Variants in GPM6A observed in about 807,000 individuals in gnomAD.
The protein encoded by GPM6A is neuronal membrane glycoprotein M6-a.
In GPM6A, 7 loss-of-function variants were observed where a neutral mutation model predicts 32.1. That is an observed-to-expected ratio of 0.22 (90% confidence interval 0.12 to 0.41). The LOEUF (loss-of-function observed/expected upper bound fraction) is 0.41. Ranked by LOEUF, GPM6A falls within the 10% of genes least tolerant of loss-of-function variation. The pLI, the probability that GPM6A is intolerant of heterozygous loss-of-function variation, is 1.00. For synonymous variants in GPM6A, 130 were observed against 123.4 expected, an observed-to-expected ratio of 1.05 and a Z score of -0.35; for missense variants, 235 against 347.2, an observed-to-expected ratio of 0.68 and a Z score of 2.57.
intron 1 of GPM6A, among the ~76,000 whole-genome samples, chr4:175,779,813 G>A (rs1339919474): frequency 6.6e-6 from 1 of 152,034 alleles, no homozygotes; most frequent in Non-Finnish European, 1.5e-5. Flanking sequence ...CCTGAGTAAG[G>A]AAATATGAGG....
intron 1 of GPM6A, among the ~76,000 whole-genome samples, chr4:175,925,831 CT>C (rs201551745): frequency 1.4e-5 from 2 of 147,344 alleles, no homozygotes; most frequent in African/African-American, 2.5e-5. Flanking sequence ...CCCAGATTCT[CT>C]TTTTTTTCTT....
chr4:175,915,476 T>G (rs1211880067), intron 1 of GPM6A, among the ~76,000 whole-genome samples: 1 of 151,862 alleles, frequency 6.6e-6, no homozygotes, highest in African/African-American at 2.4e-5. Flanking sequence ...TACATAGAGA[T>G]AGGGTTTTTA....
intron 1 of GPM6A, among the ~76,000 whole-genome samples, chr4:175,909,332 T>C (rs540891063): frequency 3.3e-5 from 5 of 152,174 alleles, no homozygotes; most frequent in African/African-American, 1.2e-4. Flanking sequence ...TTTGGATAAG[T>C]AGTCATACTT....
chr4:175,768,150 A>G (rs1317594116), intron 1 of GPM6A, among the ~76,000 whole-genome samples: 1 of 152,218 alleles, frequency 6.6e-6, no homozygotes, highest in Non-Finnish European at 1.5e-5. Context: ...ATTTTGAATT[A>G]CTACTTAATT....
chr4:175,928,778 T>C (rs1203134881), intron 1 of GPM6A, among the ~76,000 whole-genome samples: 2 of 152,220 alleles, frequency 1.3e-5, no homozygotes, highest in South Asian at 2.1e-4. Flanking sequence ...TCTTTATTCA[T>C]CACATTTTGC....
At chr4:175,660,461 G>T (rs1446316845) in intron 3 of GPM6A, among the ~76,000 whole-genome samples, 1 of 151,926 alleles carries the variant, frequency 6.6e-6, no homozygotes, top group African/African-American at 2.4e-5. Flanking sequence ...ATGAATTCAT[G>T]TGTTGAAAAT....
At chr4:175,668,515 G>C (rs1193463177) in intron 3 of GPM6A, among the ~76,000 whole-genome samples, 5 of 148,430 alleles carry the variant, frequency 3.4e-5, no homozygotes, top group Middle Eastern at 3.4e-3. Flanking sequence ...GGATTCAAAC[G>C]TTTATGTGTG....
intron 1 of GPM6A, among the ~76,000 whole-genome samples, chr4:175,818,599 T>C (rs560817492): frequency 6.6e-6 from 1 of 152,232 alleles, no homozygotes; most frequent in Non-Finnish European, 1.5e-5. Flanking sequence ...AATGCATGCA[T>C]GCATGCATGA....
At chr4:175,823,568 C>T (rs1735342887) in intron 1 of GPM6A, among the ~76,000 whole-genome samples, 1 of 152,126 alleles carries the variant, frequency 6.6e-6, no homozygotes, top group African/African-American at 2.4e-5. Context: ...TAAATTGTTG[C>T]TTTGAATCTC....
At chr4:175,848,262 A>G (rs893404155) in intron 1 of GPM6A, among the ~76,000 whole-genome samples, 7 of 152,150 alleles carry the variant, frequency 4.6e-5, no homozygotes, top group African/African-American at 1.7e-4. Context: ...TTGTCTTCCT[A>G]GTTTTGAGAA....
At chr4:175,812,944 G>C, upstream of GPM6A, 1 of 985,262 alleles carries the variant, frequency 1.0e-6, no homozygotes, top group Non-Finnish European at 1.2e-6. Flanking sequence ...ACTAAGACAG[G>C]ACTTGTAATC....
chr4:175,850,848 T>C (rs547064844), intron 1 of GPM6A, among the ~76,000 whole-genome samples: 1 of 150,158 alleles, frequency 6.7e-6, no homozygotes, highest in East Asian at 1.9e-4. Context: ...AATACAATAT[T>C]ATATATGTTT....
At chr4:175,931,304 A>G (rs1225378897) in intron 1 of GPM6A, among the ~76,000 whole-genome samples, 1 of 152,182 alleles carries the variant, frequency 6.6e-6, no homozygotes, top group Admixed American at 6.5e-5. Flanking sequence ...ATTAAATCCT[A>G]CAACCTCACA....
intron 1 of GPM6A, among the ~76,000 whole-genome samples, chr4:175,932,210 A>C (rs1046734160): frequency 1.3e-5 from 2 of 152,160 alleles, no homozygotes; most frequent in African/African-American, 4.8e-5. Context: ...AGGTGTTGCC[A>C]GTACTATAGT....
intron 6 of GPM6A, among the ~76,000 whole-genome samples, chr4:175,637,364 A>T (rs34813966): frequency 1.9e-4 from 12 of 63,384 alleles, no homozygotes; most frequent in African/African-American, 7.2e-4. Context: ...TATAATATAT[A>T]ACATATAATA....
At chr4:175,757,277 C>A (rs142659546) in intron 1 of GPM6A, among the ~76,000 whole-genome samples, 13 of 152,130 alleles carry the variant, frequency 8.5e-5, no homozygotes, top group Non-Finnish European at 1.6e-4. Context: ...AGAGCCAGCA[C>A]CAGCCATGAG....
intron 1 of GPM6A, among the ~76,000 whole-genome samples, chr4:175,922,988 T>C (rs948252814): frequency 6.6e-6 from 1 of 152,100 alleles, no homozygotes; most frequent in Non-Finnish European, 1.5e-5. Flanking sequence ...TGTAGCTCAT[T>C]TTTATCTGTA....
At chr4:175,812,354 A>C (rs1734966029), upstream of GPM6A, 1 of 1,313,748 alleles carries the variant, frequency 7.6e-7, no homozygotes, top group Admixed American at 4.1e-5. Flanking sequence ...GGGAAGCTCC[A>C]ACAGCAGTGG....
At chr4:175,765,090 T>A (rs1732909572) in intron 1 of GPM6A, among the ~76,000 whole-genome samples, 1 of 152,016 alleles carries the variant, frequency 6.6e-6, no homozygotes, top group South Asian at 2.1e-4. Flanking sequence ...GCCAGGCTGG[T>A]CTCGAACTCC....
Sources: allele counts gnomAD v4.1 joint callset (sites outside exome capture counted in the v4.1 genomes callset), GRCh38; gene constraint gnomAD v4.1.1; transcripts MANE v1.5; gene names NCBI Gene and HGNC (gene_info 2026-07-23, HGNC 2026-07-21).